The following MCCC1 variants were observed in gnomAD, a reference collection of about 807,000 sequenced individuals.
MCCC1 encodes methylcrotonyl-CoA carboxylase subunit 1.
A neutral mutation model predicts 83.8 loss-of-function variants in MCCC1; 64 were observed. The observed-to-expected ratio is 0.76, with a 90% confidence interval of 0.62 to 0.94. The LOEUF is 0.94. Among genes scored for constraint, MCCC1 ranks in the 40% least tolerant of loss-of-function variants. MCCC1 has a pLI of 0.00. For synonymous variants in MCCC1, 322 were observed against 315.4 expected (o/e 1.02, Z -0.22); for missense variants, 807 against 904.7 (o/e 0.89, Z 1.39).
Position 183,015,515 on chromosome 3 carries a change from C to T in MCCC1, c.2101G>A (p.Glu701Lys). Residue 701 changes from glutamate to lysine, a missense_variant, in exon 19 of 19, where the codon GAA (glutamate) becomes AAA (lysine). Coordinates refer to ENST00000265594, the MANE Select transcript of MCCC1 (RefSeq NM_020166.5). ...GTGTGTCTGTTGGCCTGAGCACCTT[C>T]TCTGTAGAACACTTTCTTTACTGTG... is the stretch of plus-strand genomic sequence containing the variant. Reference protein sequence around the residue: ...DGTVKKVFYREGAQANRHTPL... With the variant: ...DGTVKKVFYRKGAQANRHTPL... 1 of 1,614,134 alleles carries T rather than the reference C, an allele frequency of 6.2e-7. No homozygotes were observed. The highest frequency in any genetic ancestry group is 8.5e-7 in the Non-Finnish European group (1 of 1,179,990).
intron 4 of MCCC1, among the ~76,000 whole-genome samples, chr3:183,084,481 T>G (rs1717746634): frequency 6.6e-6 from 1 of 152,222 alleles, no homozygotes; most frequent in African/African-American, 2.4e-5. Flanking sequence ...CCTAAGGACC[T>G]TTTACTTCAA....
intron 10 of MCCC1, 120 bp from the exon 11 acceptor site, chr3:183,041,870 A>G (rs990193347): frequency 4.5e-6 from 5 of 1,103,904 alleles, no homozygotes; most frequent in African/African-American, 3.1e-5. Context: ...AATGCAGCCA[A>G]ATAAAAACTA....
intron 4 of MCCC1, among the ~76,000 whole-genome samples, chr3:183,079,831 C>T (rs1486255932): frequency 6.6e-6 from 1 of 152,204 alleles, no homozygotes; most frequent in Non-Finnish European, 1.5e-5. Flanking sequence ...GAAATCTAGG[C>T]GGAGGTTCCC....
At chr3:183,025,682 G>A in intron 15 of MCCC1, 73 bp downstream of exon 15, 1 of 1,297,398 alleles carries the variant, frequency 7.7e-7, no homozygotes, top group Non-Finnish European at 1.1e-6. Flanking sequence ...AAACCAGAGA[G>A]TGAAAGACCC....
chr3:183,047,493 A>C (rs937744291), intron 9 of MCCC1, among the ~76,000 whole-genome samples: 2 of 152,252 alleles, frequency 1.3e-5, no homozygotes, highest in African/African-American at 4.8e-5. Context: ...GAGACTGAAG[A>C]AGCATCAGGT....
At chr3:183,075,956 C>T (rs1007760808) in intron 4 of MCCC1, among the ~76,000 whole-genome samples, 1 of 152,158 alleles carries the variant, frequency 6.6e-6, no homozygotes, top group African/African-American at 2.4e-5. Flanking sequence ...TTTTCTCCCA[C>T]AATTTGAGTA....
upstream of MCCC1, among the ~76,000 whole-genome samples, chr3:183,104,017 G>C (rs1361128757): frequency 6.6e-6 from 1 of 152,148 alleles, no homozygotes; most frequent in Non-Finnish European, 1.5e-5. Context: ...CCCCGGGCCG[G>C]CAGGGCCGGC....
chr3:183,093,639 C>T (rs957957952), intron 2 of MCCC1, among the ~76,000 whole-genome samples: 1 of 151,956 alleles, frequency 6.6e-6, no homozygotes, highest in African/African-American at 2.4e-5. Flanking sequence ...ATAGGCTCAA[C>T]ATAATAAAGT....
intron 4 of MCCC1, among the ~76,000 whole-genome samples, chr3:183,077,565 C>G (rs1017329836): frequency 1.3e-5 from 2 of 152,096 alleles, no homozygotes; most frequent in African/African-American, 4.8e-5. Context: ...AAATATTTTG[C>G]TCATTTTTTT....
chr3:183,025,929 T>G, intron 14 of MCCC1, 125 bp from the exon 15 acceptor site: 1 of 775,336 alleles, frequency 1.3e-6, no homozygotes, highest in Non-Finnish European at 2.2e-6. Flanking sequence ...ATCAACAACT[T>G]TGAACTTCTT....
chr3:183,107,961 T>C (rs1014960806), intron 1 of MCCC1, among the ~76,000 whole-genome samples: 3 of 152,188 alleles, frequency 2.0e-5, no homozygotes, highest in African/African-American at 7.2e-5. Flanking sequence ...TAAAATCAGA[T>C]TAAATTTAAA....
chr3:183,081,230 C>T (rs756110845), intron 4 of MCCC1, among the ~76,000 whole-genome samples: 5 of 152,332 alleles, frequency 3.3e-5, no homozygotes, highest in Non-Finnish European at 5.9e-5. Context: ...CTATTACCAG[C>T]GGGCTAATTC....
At chr3:183,066,119 T>A (rs1318915293) in intron 7 of MCCC1, among the ~76,000 whole-genome samples, 1 of 152,200 alleles carries the variant, frequency 6.6e-6, no homozygotes, top group Non-Finnish European at 1.5e-5. Context: ...AATGGGAAAC[T>A]CCTATAATTC....
Position 183,099,270 on chromosome 3 carries a change from C to T in MCCC1, c.89+82G>A, listed in dbSNP as rs754515280. 349 of 1,492,428 alleles carry T rather than the reference C, an allele frequency of 2.3e-4. 3 individuals are homozygous for T. The Middle Eastern group carries it at 4.2e-3, about 18-fold the overall frequency. The allele number at this position is 1,492,428 out of a possible 1,614,324, so 92.4% of individuals were successfully genotyped here. A position where few individuals can be genotyped will look rare whatever the true frequency, so the allele number is the denominator to read the frequency against. Reference sequence around the variant, plus strand: ...TCCTCCCCACACCGACCCTGGGTTCCGCCGCACCTCCCACCGCTCACGCGG... The same window carrying T: ...TCCTCCCCACACCGACCCTGGGTTCTGCCGCACCTCCCACCGCTCACGCGG... On this transcript the variant is annotated intron_variant, in intron 1 of 18. Transcript: ENST00000265594.
chr3:183,111,711 C>G (rs759635969), intron 1 of MCCC1, among the ~76,000 whole-genome samples: 1 of 152,176 alleles, frequency 6.6e-6, no homozygotes, highest in Non-Finnish European at 1.5e-5. Context: ...ACTTTGCATT[C>G]AAAAAGCGTT....
intron 1 of MCCC1, among the ~76,000 whole-genome samples, chr3:183,113,318 A>G (rs555950453): frequency 6.6e-6 from 1 of 150,500 alleles, no homozygotes; most frequent in South Asian, 2.1e-4. Context: ...TATCGCAAGG[A>G]CAGAAAACCA....
At chr3:183,115,552 A>G (rs1404147582) in exon 1 of MCCC1, 1 of 152,258 alleles carries the variant, frequency 6.6e-6, no homozygotes, top group Non-Finnish European at 1.5e-5. Context: ...ATGTTACCAG[A>G]GAGAAGGTCC....
intron 1 of MCCC1, among the ~76,000 whole-genome samples, chr3:183,109,571 G>T (rs548333101): frequency 6.6e-6 from 1 of 152,304 alleles, no homozygotes; most frequent in Admixed American, 6.5e-5. Flanking sequence ...CCATGTTGCT[G>T]CAAAGGACAT....
chr3:183,053,202 GGCTC>G (rs1715125647), intron 8 of MCCC1, among the ~76,000 whole-genome samples: 1 of 152,152 alleles, frequency 6.6e-6, no homozygotes, highest in African/African-American at 2.4e-5. Context: ...CGGGTGTGGT[GGCTC>G]ACCCCTGTAA....
Sources: allele counts gnomAD v4.1 joint callset (sites outside exome capture counted in the v4.1 genomes callset), GRCh38; gene constraint gnomAD v4.1.1; transcripts MANE v1.5; gene names NCBI Gene and HGNC (gene_info 2026-07-23, HGNC 2026-07-21).